Variants in SUZ12 observed in about 807,000 individuals in gnomAD.
SUZ12 encodes SUZ12 polycomb repressive complex 2 subunit, also known as polycomb protein SUZ12.
A neutral mutation model predicts 87.3 loss-of-function variants in SUZ12; 17 were observed. The observed-to-expected ratio is 0.19, with a 90% CI of 0.13 to 0.29. The LOEUF (loss-of-function observed/expected upper bound fraction) is 0.29. Ranked by LOEUF, SUZ12 falls within the 10% of genes least tolerant of loss-of-function variation. The probability of loss-of-function intolerance (pLI) is 1.00; values close to 1 mark genes in which losing one functional copy is unlikely to be tolerated. For synonymous variants in SUZ12, 253 were observed against 312.4 expected (o/e 0.81, Z 2.01); for missense variants, 526 against 912.2 (o/e 0.58, Z 5.45).
At position 31,989,765 on chromosome 17, in the gene SUZ12, A is replaced by ATTT. The variant is rs568524946; in HGVS notation, c.1201+1283_1201+1285dup. ...AGGCGCCTGCCACCACGACCAGCTA[A>ATTT]TTTTTTTTTTTTTTTTTGTATTTTT... On this transcript the variant is annotated intron_variant, in intron 10 of 15. Transcript: ENST00000322652. Among the ~76,000 whole-genome samples the ATTT allele has an allele frequency of 6.3e-3, 822 of 129,830 alleles. 9 individuals are homozygous for ATTT. Among genetic ancestry groups the ATTT allele is most frequent in the African/African-American group, 0.021 (758 of 35,332 alleles). The allele number at this position is 129,830 out of a possible 152,430, so 85.2% of individuals were successfully genotyped here.
At chr17:31,967,198 C>CA (rs940342946) in intron 5 of SUZ12, 934 of 84,130 alleles carry the variant, frequency 0.011, 13 homozygotes, top group East Asian at 0.053. Flanking sequence ...GACTCCATCT[C>CA]AAAAAAAAAA....
intron 6 of SUZ12, among the ~76,000 whole-genome samples, chr17:31,973,475 A>C (rs2470248): frequency 5.2e-4 from 79 of 152,302 alleles, no homozygotes; most frequent in African/African-American, 1.9e-3. Context: ...TGGAGAAGCT[A>C]TGTTTTAGCA....
At chr17:31,990,753 TAC>T (rs1469427643) in intron 10 of SUZ12, among the ~76,000 whole-genome samples, 2 of 152,110 alleles carry the variant, frequency 1.3e-5, no homozygotes, top group Non-Finnish European at 2.9e-5. Context: ...ATTTTTATTT[TAC>T]TTTTTTTTTT....
At position 31,937,389 on chromosome 17, in the gene SUZ12, G is replaced by A. The variant is rs767563724; in HGVS notation, c.143G>A (p.Gly48Glu). The A allele has an allele frequency of 1.0e-5, 16 of 1,531,266 alleles. No homozygotes were observed. The highest frequency in any genetic ancestry group is 8.8e-7 in the Non-Finnish European group (1 of 1,140,270). 94.9% of individuals were successfully genotyped at this position (1,531,266 alleles called of 1,614,324 possible). A position where few individuals can be genotyped will look rare whatever the true frequency, so the allele number is the denominator to read the frequency against. The change falls in exon 1 of 16, where the codon GGG (glycine) becomes GAG (glutamate). Residue 48 changes from glycine to glutamate, a missense_variant. Around this residue, in one of 9 missense-constraint regions of SUZ12, gnomAD observed 92 missense variants for 109.9 expected, o/e 0.84. Transcript: ENST00000322652. The part of the protein sequence containing the change: ...GGKSGGGSCG[G>E]GGSYSASSSS... ...AAATCCGGCGGCGGGAGCTGTGGAGGGGGTGGCAGTTACTCGGCCTCCTCC... is the reference window on the plus strand; with the variant it reads ...AAATCCGGCGGCGGGAGCTGTGGAGAGGGTGGCAGTTACTCGGCCTCCTCC...
intron 13 of SUZ12, among the ~76,000 whole-genome samples, chr17:31,995,239 A>T (rs1909912538): frequency 6.6e-6 from 1 of 152,232 alleles, no homozygotes; most frequent in Non-Finnish European, 1.5e-5. Context: ...GAGTTAGAAT[A>T]CACAGTTTTG....
At position 31,937,406 on chromosome 17, in the gene SUZ12, G is replaced by GCCT. The variant is rs774288551; in HGVS notation, c.175_177dup (p.Ser59dup). On this transcript the variant is annotated inframe_insertion, in exon 1 of 16. Transcript: ENST00000322652. ...CTGTGGAGGGGGTGGCAGTTACTCGGCCTCCTCCTCCTCCTCCGCGGCGGC... is the reference window on the plus strand; with the variant it reads ...CTGTGGAGGGGGTGGCAGTTACTCGGCCTCCTCCTCCTCCTCCTCCGCGGCGGC... 3.8e-5 allele frequency: 59 copies of GCCT among 1,539,698 alleles called. No individual in the cohort carries two copies. The highest frequency in any genetic ancestry group is 4.4e-4 in the Middle Eastern group (2 of 4,502).
chr17:31,979,041 G>A (rs1185429455), intron 8 of SUZ12, among the ~76,000 whole-genome samples: 1 of 148,206 alleles, frequency 6.7e-6, no homozygotes, highest in Non-Finnish European at 1.5e-5. Flanking sequence ...AGGAGGCGGA[G>A]GTTACAGTGA....
intron 3 of SUZ12, among the ~76,000 whole-genome samples, 180 bp from the exon 4 acceptor site, chr17:31,947,437 G>A (rs945704498): frequency 3.3e-5 from 5 of 152,130 alleles, no homozygotes; most frequent in African/African-American, 1.2e-4. Flanking sequence ...TTGAAGGCTC[G>A]TGTGCTGTAT....
chr17:31,946,818 T>A (rs1158120358), intron 3 of SUZ12, among the ~76,000 whole-genome samples: 1 of 152,234 alleles, frequency 6.6e-6, no homozygotes, highest in Non-Finnish European at 1.5e-5. Context: ...CCATTCATTC[T>A]TTAATTGCTT....
At chr17:31,951,076 G>A (rs1019077108) in intron 4 of SUZ12, among the ~76,000 whole-genome samples, 10 of 152,146 alleles carry the variant, frequency 6.6e-5, no homozygotes, top group South Asian at 6.2e-4. Context: ...CACCGCGCCC[G>A]GCATATATTC....
At position 31,937,359 on chromosome 17, in the gene SUZ12, G is replaced by A. The variant is rs1252166484; in HGVS notation, c.113G>A (p.Gly38Asp). 6.7e-7 allele frequency: 1 copy of A among 1,500,154 alleles called. No homozygotes were observed. Among genetic ancestry groups the A allele is most frequent in the South Asian group, 1.2e-5 (1 of 80,116 alleles). The allele number at this position is 1,500,154 out of a possible 1,614,324, so 92.9% of individuals were successfully genotyped here. A position where few individuals can be genotyped will look rare whatever the true frequency, so the allele number is the denominator to read the frequency against. Reference protein sequence around the residue: ...SAAVAAATASGGKSGGGSCGG... With the variant: ...SAAVAAATASDGKSGGGSCGG... ...GCGGTGGCGGCGGCGACGGCTTCGG[G>A]CGGCAAATCCGGCGGCGGGAGCTGT... The change falls in exon 1 of 16, where the codon GGC becomes GAC. Residue 38 changes from glycine to aspartate, a missense_variant. Physicochemically the swap from Gly to Asp is moderately conservative, Grantham distance 94. Around this residue, in one of 9 missense-constraint regions of SUZ12, gnomAD observed 92 missense variants for 109.9 expected, o/e 0.84. Coordinates refer to ENST00000322652, the MANE Select transcript of SUZ12 (RefSeq NM_015355.4).
chr17:31,951,378 C>G (rs183087833), intron 4 of SUZ12, among the ~76,000 whole-genome samples: 265 of 152,190 alleles, frequency 1.7e-3, no homozygotes, highest in African/African-American at 5.6e-3. Context: ...TGGTGTTTCA[C>G]GGTCTTTTAT....
In SUZ12 at chr17:31,939,412, A is replaced by G. The variant is rs1906132846; in HGVS notation, c.275-874A>G. On this transcript the variant is annotated intron_variant, in intron 1 of 15. Coordinates refer to ENST00000322652, the MANE Select transcript of SUZ12 (RefSeq NM_015355.4). ...AGACCCCTTTTCAAAAAAAGAAAAA[A>G]AAAATCTTGACTGACTTTCATCATA... Among the ~76,000 whole-genome samples, 3 of 152,038 alleles carry G rather than the reference A, an allele frequency of 2.0e-5. No homozygotes were observed. The South Asian group carries it at 6.2e-4, about 32-fold the overall frequency.
At chr17:31,981,796 T>C (rs940933997) in intron 8 of SUZ12, among the ~76,000 whole-genome samples, 5 of 152,272 alleles carry the variant, frequency 3.3e-5, no homozygotes, top group African/African-American at 1.2e-4. Flanking sequence ...AGGCAAGTTA[T>C]TTAACCTTTT....
intron 4 of SUZ12, among the ~76,000 whole-genome samples, chr17:31,957,895 CTTTTTTTTT>C (rs1181314058): frequency 2.2e-5 from 2 of 91,332 alleles, no homozygotes; most frequent in African/African-American, 4.1e-5. Flanking sequence ...ACCTTTTGTC[CTTTTTTTTT>C]TTTTTTTTTT....
At chr17:31,943,392 A>G (rs1228356712) in intron 3 of SUZ12, among the ~76,000 whole-genome samples, 1 of 152,232 alleles carries the variant, frequency 6.6e-6, no homozygotes, top group Non-Finnish European at 1.5e-5. Flanking sequence ...CGAAATGTCA[A>G]TCTGTAAATT....
At chr17:31,954,224 G>A (rs1343532936) in intron 4 of SUZ12, among the ~76,000 whole-genome samples, 2 of 151,522 alleles carry the variant, frequency 1.3e-5, no homozygotes, top group African/African-American at 2.4e-5. Flanking sequence ...CACCACGCCC[G>A]GTTAACTTTT....
intron 7 of SUZ12, 88 bp from the exon 8 acceptor site, chr17:31,976,433 A>G: frequency 2.8e-6 from 3 of 1,060,936 alleles, no homozygotes; most frequent in Non-Finnish European, 2.8e-6. Flanking sequence ...TTTGGGATAA[A>G]TGTAGCATGT....
chr17:31,987,301 C>T (rs1303617333), intron 9 of SUZ12, among the ~76,000 whole-genome samples: 1 of 152,160 alleles, frequency 6.6e-6, no homozygotes, highest in Admixed American at 6.5e-5. Flanking sequence ...ACATTGAGAT[C>T]AACTGGCAGT....
Sources: allele counts gnomAD v4.1 joint callset (sites outside exome capture counted in the v4.1 genomes callset), GRCh38; gene constraint gnomAD v4.1.1; regional missense constraint gnomAD v4.1.1; transcripts MANE v1.5; gene names NCBI Gene and HGNC (gene_info 2026-07-23, HGNC 2026-07-21).